WWC1: variants seen among roughly 807,000 people sequenced by gnomAD.
The protein encoded by WWC1 is WW and C2 domain containing 1, also known as protein KIBRA.
A neutral mutation model predicts 138.4 loss-of-function variants in WWC1; 55 were observed. The observed-to-expected ratio is 0.40, with a 90% confidence interval of 0.32 to 0.50. The LOEUF (loss-of-function observed/expected upper bound fraction) is 0.50, where lower values mean the gene tolerates loss of function less well. Among genes scored for constraint, WWC1 ranks in the 20% least tolerant of loss-of-function variants. The pLI is 0.72. For missense variants in WWC1, 1,226 were observed against 1,420.4 expected (o/e 0.86, Z 2.20); for synonymous variants, 524 against 564.9 (o/e 0.93, Z 1.03).
Position 168,385,541 on chromosome 5 carries a change from C to T in WWC1, c.433+127C>T, listed in dbSNP as rs563174420. On this transcript the variant is annotated intron_variant, in intron 3 of 22. Transcript: ENST00000265293. ...CTCTACTCTTTGTCCAAACCACCATCTTGTTTACTGCTCTTCCTGCTCCTA... is the reference window on the plus strand; with the variant it reads ...CTCTACTCTTTGTCCAAACCACCATTTTGTTTACTGCTCTTCCTGCTCCTA... 47 of 923,298 alleles carry T rather than the reference C, an allele frequency of 5.1e-5. No homozygotes were observed. The African/African-American group carries it at 6.0e-4, about 12-fold the overall frequency. The allele number at this position is 923,298 out of a possible 1,614,324, so 57.2% of individuals were successfully genotyped here.
chr5:168,411,433 T>C (rs1230754422), intron 8 of WWC1, among the ~76,000 whole-genome samples: 4 of 152,208 alleles, frequency 2.6e-5, no homozygotes, highest in Non-Finnish European at 5.9e-5. Context: ...GTAGAACTCT[T>C]TGCAGAGATG....
intron 15 of WWC1, among the ~76,000 whole-genome samples, chr5:168,435,772 A>G (rs1274754553): frequency 1.3e-5 from 2 of 151,946 alleles, no homozygotes; most frequent in East Asian, 3.9e-4. Flanking sequence ...CCCTTTCTTT[A>G]TAGAAAAACT....
chr5:168,314,092 A>C (rs956434651), intron 1 of WWC1, among the ~76,000 whole-genome samples: 36 of 152,270 alleles, frequency 2.4e-4, no homozygotes, highest in African/African-American at 7.5e-4. Flanking sequence ...AGGTGGGAGC[A>C]CTCATGGCAG....
Position 168,410,015 on chromosome 5 carries a change from G to C in WWC1, c.941+20G>C. On this transcript the variant is annotated intron_variant, in intron 8 of 22. Transcript: ENST00000265293. ...GAGAAGGTAATTGGGCTGGGGCTAGGGGCGGGATGGTTCCAAAAATAATAA... is the reference window on the plus strand; with the variant it reads ...GAGAAGGTAATTGGGCTGGGGCTAGCGGCGGGATGGTTCCAAAAATAATAA... 1 of 1,613,384 alleles carries C rather than the reference G, an allele frequency of 6.2e-7. No individual in the cohort carries two copies. The highest frequency in any genetic ancestry group is 8.5e-7 in the Non-Finnish European group (1 of 1,179,364).
chr5:168,389,008 T>C (rs1020666600), intron 3 of WWC1, among the ~76,000 whole-genome samples: 2 of 152,074 alleles, frequency 1.3e-5, no homozygotes, highest in African/African-American at 4.8e-5. Context: ...AGAAGAAGCA[T>C]GGGAAAATAT....
chr5:168,417,597 C>T (rs543570712), intron 9 of WWC1, among the ~76,000 whole-genome samples: 56 of 152,258 alleles, frequency 3.7e-4, no homozygotes, highest in African/African-American at 1.1e-3. Flanking sequence ...TTAGGATGCT[C>T]GCCACTCAGA....
rs537555386 is a variant in WWC1 at position 168,406,469 on chromosome 5, T to G, written c.720+142T>G. 81 of 1,276,578 alleles carry G rather than the reference T, an allele frequency of 6.3e-5. No homozygotes were observed. In the African/African-American group the frequency reaches 1.1e-3, roughly 17 times the overall value. The allele number at this position is 1,276,578 out of a possible 1,614,324, so 79.1% of individuals were successfully genotyped here. ...GTCTTCCTGGGGTTTTGGTTCCATT[T>G]CATAGAGGAGGACGTGGAGGCTCAG... On this transcript the variant is annotated intron_variant, in intron 6 of 22. Coordinates refer to ENST00000265293, the MANE Select transcript of WWC1 (RefSeq NM_015238.3).
chr5:168,304,017 AT>A (rs1386789258), intron 1 of WWC1, among the ~76,000 whole-genome samples: 5 of 152,188 alleles, frequency 3.3e-5, no homozygotes, highest in African/African-American at 1.2e-4. Flanking sequence ...AGTTACTTAT[AT>A]CTTTTTGAGC....
chr5:168,381,745 T>A (rs1480337238), intron 2 of WWC1, among the ~76,000 whole-genome samples: 6 of 140,730 alleles, frequency 4.3e-5, no homozygotes, highest in Non-Finnish European at 9.2e-5. Flanking sequence ...GGGGGTGGGG[T>A]GGGGTTCAGG....
chr5:168,451,974 C>G (rs748002440), intron 17 of WWC1, among the ~76,000 whole-genome samples: 1 of 144,554 alleles, frequency 6.9e-6, no homozygotes. Context: ...GGCACTCTCT[C>G]GACTCACTGC....
chr5:168,302,971 C>T (rs1407341746), intron 1 of WWC1, among the ~76,000 whole-genome samples: 1 of 152,072 alleles, frequency 6.6e-6, no homozygotes, highest in East Asian at 1.9e-4. Flanking sequence ...CTGGATGGGG[C>T]CCAAGAATGT....
At chr5:168,446,660 G>A (rs2152876817) in intron 17 of WWC1, among the ~76,000 whole-genome samples, 1 of 152,254 alleles carries the variant, frequency 6.6e-6, no homozygotes, top group East Asian at 1.9e-4. Flanking sequence ...GTCACTGTTG[G>A]GCAAGTCGCT....
rs768754100 is a variant in WWC1 at position 168,397,687 on chromosome 5, T to C, written c.434-37T>C. 7 of 1,611,626 alleles carry C rather than the reference T, an allele frequency of 4.3e-6. No individual in the cohort carries two copies. The Admixed American group carries it at 8.3e-5, about 19-fold the overall frequency. ...AGCCAACTTTGCTGAAATCTGTTTC[T>C]TCTACTGATATTCTTGTTTTTCTTT... On this transcript the variant is annotated intron_variant, in intron 3 of 22. Coordinates refer to ENST00000265293, the MANE Select transcript of WWC1 (RefSeq NM_015238.3).
chr5:168,393,545 C>T (rs1052484434), intron 3 of WWC1, among the ~76,000 whole-genome samples: 3 of 151,894 alleles, frequency 2.0e-5, no homozygotes, highest in African/African-American at 7.3e-5. Flanking sequence ...AGTGTAGGGC[C>T]GAATAAGGCT....
At position 168,430,414 on chromosome 5, in the gene WWC1, A is replaced by C. The variant is rs149503748; in HGVS notation, c.2087+191A>C. Among the ~76,000 whole-genome samples the C allele has an allele frequency of 1.2e-3, 180 of 152,288 alleles. 1 individual carries two copies. The highest frequency in any genetic ancestry group is 4.0e-3 in the African/African-American group (165 of 41,560). On this transcript the variant is annotated intron_variant, in intron 14 of 22. Coordinates refer to ENST00000265293, the MANE Select transcript of WWC1 (RefSeq NM_015238.3). Reference sequence around the variant, plus strand: ...TACAGGCACAACGGCAAGCACACCAACTGTAAAGACAAGCACTCTCTAGAT... The same window carrying C: ...TACAGGCACAACGGCAAGCACACCACCTGTAAAGACAAGCACTCTCTAGAT...
At chr5:168,406,152 C>T (rs1056534364) in intron 5 of WWC1, 46 bp from the exon 6 acceptor site, 1 of 1,607,220 alleles carries the variant, frequency 6.2e-7, no homozygotes, top group Non-Finnish European at 8.5e-7. Flanking sequence ...GAGACCCTGT[C>T]CCTCACCCTA....
rs566967888 is a variant in WWC1 at position 168,342,103 on chromosome 5, G to A, written c.120-29321G>A. On this transcript the variant is annotated intron_variant, in intron 1 of 22. Coordinates refer to ENST00000265293, the MANE Select transcript of WWC1 (RefSeq NM_015238.3). Reference sequence around the variant, plus strand: ...AGGCACTGAAATTGGCACTGAATAGGCATGGGGAAGTTTCAGTGGAAGTGA... The same window carrying A: ...AGGCACTGAAATTGGCACTGAATAGACATGGGGAAGTTTCAGTGGAAGTGA... 8.5e-5 allele frequency among the ~76,000 whole-genome samples: 13 copies of A among 152,310 alleles called. No individual in the cohort carries two copies. The East Asian group carries it at 2.5e-3, about 29-fold the overall frequency.
chr5:168,439,519 C>T (rs1754561615), intron 15 of WWC1, among the ~76,000 whole-genome samples: 1 of 151,488 alleles, frequency 6.6e-6, no homozygotes, highest in African/African-American at 2.4e-5. Flanking sequence ...CCCAGCTACT[C>T]CAGAGGCTGA....
intron 3 of WWC1, 147 bp from the exon 4 acceptor site, chr5:168,397,576 CT>C: frequency 2.7e-6 from 2 of 733,632 alleles, no homozygotes; most frequent in Non-Finnish European, 4.6e-6. Flanking sequence ...CGTGTACCAT[CT>C]TTATGTAACA....
Sources: gnomAD v4.1 joint callset for allele counts (sites outside exome capture counted in the v4.1 genomes callset) on GRCh38, gnomAD v4.1.1 for gene constraint, MANE v1.5 for transcripts, NCBI Gene and HGNC (gene_info 2026-07-23, HGNC 2026-07-21) for gene names.